The following LRP1B variants were observed in gnomAD, a reference collection of about 807,000 sequenced individuals.
LRP1B encodes LDL receptor related protein 1B.
Under a neutral mutation model 556.6 loss-of-function variants are expected in LRP1B, and 217 were observed. The observed-to-expected ratio is 0.39, with a 90% CI of 0.35 to 0.44. The LOEUF (loss-of-function observed/expected upper bound fraction) is 0.44, where lower values mean the gene tolerates loss of function less well. Ranked by LOEUF, LRP1B falls within the 20% of genes least tolerant of loss-of-function variation. The pLI is 1.00. For synonymous variants in LRP1B, 2,047 were observed against 1,865.8 expected (o/e 1.10, Z -2.50); for missense variants, 5,053 against 5,620.8 (o/e 0.90, Z 3.23).
At chr2:141,895,607 C>T (rs1346330597) in intron 1 of LRP1B, among the ~76,000 whole-genome samples, 1 of 152,032 alleles carries the variant, frequency 6.6e-6, no homozygotes, top group Non-Finnish European at 1.5e-5. Flanking sequence ...CATTTTTTTC[C>T]ACCCATGAGA....
chr2:140,745,658 T>C (rs1688290762), intron 35 of LRP1B, among the ~76,000 whole-genome samples: 2 of 152,138 alleles, frequency 1.3e-5, no homozygotes, highest in Non-Finnish European at 2.9e-5. Context: ...TTTGTTCCCT[T>C]TCATGAAAGA....
intron 1 of LRP1B, among the ~76,000 whole-genome samples, chr2:142,110,077 T>C (rs1360024957): frequency 6.6e-6 from 1 of 152,158 alleles, no homozygotes; most frequent in Non-Finnish European, 1.5e-5. Context: ...ATGTAGAGAC[T>C]CTGATGAGAA....
chr2:141,386,161 G>A (rs1258063074), intron 3 of LRP1B, among the ~76,000 whole-genome samples: 1 of 152,086 alleles, frequency 6.6e-6, no homozygotes, highest in African/African-American at 2.4e-5. Context: ...TGTGTGTAAG[G>A]TGTGTATGAA....
At chr2:141,109,711 A>G (rs1027168477) in intron 7 of LRP1B, among the ~76,000 whole-genome samples, 4 of 152,122 alleles carry the variant, frequency 2.6e-5, no homozygotes, top group African/African-American at 7.2e-5. Flanking sequence ...AAAAGATCAG[A>G]AAAAAAGGAA....
At position 141,402,067 on chromosome 2, in the gene LRP1B, A is replaced by G. The variant is rs1226248825; in HGVS notation, c.343+78329T>C. 5.3e-5 allele frequency among the ~76,000 whole-genome samples: 8 copies of G among 152,324 alleles called. No homozygotes were observed. The East Asian group carries it at 1.4e-3, about 26-fold the overall frequency. ...CTGTGCATGATAAATTATTGTTATG[A>G]GATATTTTACCCTTCTGTTACATGG... On this transcript the variant is annotated intron_variant, in intron 3 of 90. Coordinates refer to ENST00000389484, the MANE Select transcript of LRP1B (RefSeq NM_018557.3).
At chr2:141,047,722 A>T (rs944397599) in intron 11 of LRP1B, among the ~76,000 whole-genome samples, 1 of 151,916 alleles carries the variant, frequency 6.6e-6, no homozygotes, top group African/African-American at 2.4e-5. Context: ...CTCTTGTGCC[A>T]TTATTATCTG....
intron 3 of LRP1B, among the ~76,000 whole-genome samples, chr2:141,321,938 T>G (rs1274505197): frequency 1.3e-5 from 2 of 152,048 alleles, no homozygotes; most frequent in African/African-American, 4.8e-5. Flanking sequence ...ACCGGCCCAA[T>G]AGTATGCACT....
intron 35 of LRP1B, among the ~76,000 whole-genome samples, chr2:140,722,092 A>C (rs1173685642): frequency 6.6e-6 from 1 of 152,054 alleles, no homozygotes; most frequent in Non-Finnish European, 1.5e-5. Flanking sequence ...AGTTTTCTTT[A>C]AAATGTTTTG....
chr2:140,684,375 T>C (rs1460510495), intron 41 of LRP1B, among the ~76,000 whole-genome samples: 1 of 152,226 alleles, frequency 6.6e-6, no homozygotes, highest in African/African-American at 2.4e-5. Flanking sequence ...TTTGTCTGTA[T>C]TATTTATCAG....
At chr2:141,817,249 A>C (rs1696591116) in intron 1 of LRP1B, among the ~76,000 whole-genome samples, 1 of 152,144 alleles carries the variant, frequency 6.6e-6, no homozygotes, top group Non-Finnish European at 1.5e-5. Context: ...CTGTAATTAA[A>C]ACAAGGAGCT....
At chr2:140,659,235 C>T (rs560567061) in intron 41 of LRP1B, among the ~76,000 whole-genome samples, 1 of 149,806 alleles carries the variant, frequency 6.7e-6, no homozygotes, top group South Asian at 2.1e-4. Context: ...TAAGAAGATC[C>T]CACTTTACTG....
intron 3 of LRP1B, among the ~76,000 whole-genome samples, chr2:141,440,844 G>C (rs900821277): frequency 5.3e-5 from 8 of 152,050 alleles, no homozygotes; most frequent in South Asian, 2.1e-4. Context: ...TCTCAAAAGG[G>C]GCAACTTTAA....
Position 140,231,972 on chromosome 2 carries a change from AC to A in LRP1B, c.*1213del, listed in dbSNP as rs1389440942. The A allele has an allele frequency of 6.6e-6, 1 of 151,670 alleles. No individual in the cohort carries two copies. The highest frequency in any genetic ancestry group is 1.5e-5 in the Non-Finnish European group (1 of 67,536). The allele number at this position is 151,670 out of a possible 1,614,324, so 9.4% of individuals were successfully genotyped here. A position where few individuals can be genotyped will look rare whatever the true frequency, so the allele number is the denominator to read the frequency against. On this transcript the variant is annotated 3_prime_UTR_variant, in exon 91 of 91. Transcript: ENST00000389484. The stretch of plus-strand genomic sequence containing the variant: ...TCAACTCAAATTTGAAGATAAACAA[AC>A]CAAACGTGAATGGGGTCCATGCGTT...
At chr2:141,839,282 C>T (rs962334883) in intron 1 of LRP1B, among the ~76,000 whole-genome samples, 2 of 152,092 alleles carry the variant, frequency 1.3e-5, no homozygotes, top group Admixed American at 1.3e-4. Context: ...AGTGGAAATA[C>T]TAGCCAAACA....
chr2:140,998,400 G>T lies in LRP1B; in HGVS notation c.2504-4265C>A, dbSNP rs181064418. On this transcript the variant is annotated intron_variant, in intron 15 of 90. Transcript: ENST00000389484. ...GGAATCTAACTTACTTTTTGGGATTGTTCATGTCTTCATTTATTAATATTC... is the reference window on the plus strand; with the variant it reads ...GGAATCTAACTTACTTTTTGGGATTTTTCATGTCTTCATTTATTAATATTC... 2.2e-4 allele frequency among the ~76,000 whole-genome samples: 33 copies of T among 152,108 alleles called. No individual in the cohort carries two copies. In the East Asian group the frequency reaches 4.5e-3, roughly 21 times the overall value.
intron 66 of LRP1B, among the ~76,000 whole-genome samples, chr2:140,392,299 C>G (rs919354031): frequency 6.6e-6 from 1 of 151,978 alleles, no homozygotes; most frequent in Non-Finnish European, 1.5e-5. Context: ...AAAACAGTTC[C>G]GCTGAATTTC....
chr2:140,690,120 C>T (rs1686185939), intron 41 of LRP1B, among the ~76,000 whole-genome samples: 1 of 151,756 alleles, frequency 6.6e-6, no homozygotes, highest in Non-Finnish European at 1.5e-5. Context: ...AAGGTGTCCC[C>T]CTCTCTCAGA....
chr2:140,251,452 C>G (rs1681411353), intron 86 of LRP1B, among the ~76,000 whole-genome samples: 1 of 151,872 alleles, frequency 6.6e-6, no homozygotes, highest in Admixed American at 6.6e-5. Context: ...GGTCTAGAGT[C>G]ACCCACTTTG....
In LRP1B at chr2:141,331,524, CTTTCTTTCTTTCTTTCTTTCTT is replaced by C. The variant is rs1324312368; in HGVS notation, c.344-76905_344-76884del. On this transcript the variant is annotated intron_variant, in intron 3 of 90. Coordinates refer to ENST00000389484, the MANE Select transcript of LRP1B (RefSeq NM_018557.3). Reference sequence around the variant, plus strand: ...TTTCCTTCTTTCTTTCTTTCTTTCTCTTTCTTTCTTTCTTTCTTTCTTTCTTTCTTATTTGGGAGGGAGGGGG... The same window carrying C: ...TTTCCTTCTTTCTTTCTTTCTTTCTCTCTTTCTTATTTGGGAGGGAGGGGG... 1.1e-4 allele frequency among the ~76,000 whole-genome samples: 4 copies of C among 35,850 alleles called. No individual in the cohort carries two copies. The East Asian group carries it at 1.4e-3, about 12-fold the overall frequency. 23.5% of individuals were successfully genotyped at this position (35,850 alleles called of 152,430 possible).
Sources: allele counts gnomAD v4.1 joint callset (sites outside exome capture counted in the v4.1 genomes callset), GRCh38; gene constraint gnomAD v4.1.1; transcripts MANE v1.5; gene names NCBI Gene and HGNC (gene_info 2026-07-23, HGNC 2026-07-21).